The following CPNE4 variants were observed in gnomAD, a reference collection of about 807,000 sequenced individuals.
CPNE4 encodes copine-4.
Under a neutral mutation model 67.9 loss-of-function variants are expected in CPNE4, and 25 were observed. That is an observed-to-expected ratio of 0.37 (90% CI 0.27 to 0.51). CPNE4 has a LOEUF of 0.51. Ranked by LOEUF, CPNE4 falls within the 20% of genes least tolerant of loss-of-function variation. The pLI, the probability that CPNE4 is intolerant of heterozygous loss-of-function variation, is 0.93. For missense variants in CPNE4, 464 were observed against 690.8 expected, an observed-to-expected ratio of 0.67 and a Z score of 3.68; for synonymous variants, 242 against 244.9, an observed-to-expected ratio of 0.99 and a Z score of 0.11.
intron 6 of CPNE4, among the ~76,000 whole-genome samples, chr3:131,678,238 T>A (rs1332381528): frequency 6.6e-6 from 1 of 152,016 alleles, no homozygotes. Context: ...CTTGGCTTGA[T>A]TGTTGTTGGT....
chr3:131,598,926 T>C (rs1502668), intron 7 of CPNE4, among the ~76,000 whole-genome samples: 1,820 of 150,018 alleles, frequency 0.012, 47 homozygotes, highest in African/African-American at 0.042. Flanking sequence ...AAAATGAATT[T>C]TAAATGCAGA....
At chr3:131,676,040 A>G (rs1031974714) in intron 6 of CPNE4, among the ~76,000 whole-genome samples, 1 of 117,496 alleles carries the variant, frequency 8.5e-6, no homozygotes, top group Non-Finnish European at 1.5e-5. Flanking sequence ...TATTATTATT[A>G]TTATTATTAT....
intron 6 of CPNE4, among the ~76,000 whole-genome samples, chr3:131,680,344 G>A (rs1223916979): frequency 2.7e-5 from 4 of 149,448 alleles, no homozygotes; most frequent in African/African-American, 9.9e-5. Context: ...TGTGAGATGT[G>A]TCTTTTGAAG....
intron 6 of CPNE4, among the ~76,000 whole-genome samples, chr3:131,684,454 T>C (rs2080836449): frequency 6.6e-6 from 1 of 152,214 alleles, no homozygotes; most frequent in South Asian, 2.1e-4. Context: ...CATTTATTTA[T>C]TTATTCTTTT....
chr3:131,984,589 GTGCC>G (rs1417104531), intron 1 of CPNE4, among the ~76,000 whole-genome samples: 1 of 152,170 alleles, frequency 6.6e-6, no homozygotes, highest in African/African-American at 2.4e-5. Flanking sequence ...ATAGATATCA[GTGCC>G]TGCCTATGTC....
intron 15 of CPNE4, among the ~76,000 whole-genome samples, chr3:131,539,547 T>C (rs1027957149): frequency 6.6e-6 from 1 of 152,146 alleles, no homozygotes; most frequent in Non-Finnish European, 1.5e-5. Context: ...CATGGTTCTA[T>C]CATTTCATTG....
chr3:131,975,551 T>A (rs889518331), intron 1 of CPNE4, among the ~76,000 whole-genome samples: 1 of 152,158 alleles, frequency 6.6e-6, no homozygotes, highest in Admixed American at 6.5e-5. Flanking sequence ...GTTCACCTCA[T>A]ATCCAGGGAA....
intron 2 of CPNE4, among the ~76,000 whole-genome samples, chr3:131,777,621 C>T (rs9853794): frequency 0.2 from 30,820 of 151,894 alleles, 3,825 homozygotes; most frequent in Middle Eastern, 0.27. Context: ...TTTCTTTGGG[C>T]GGTTGTCTCA....
chr3:131,552,761 G>A (rs1327926738), intron 12 of CPNE4, among the ~76,000 whole-genome samples: 5 of 152,018 alleles, frequency 3.3e-5, no homozygotes, highest in African/African-American at 1.2e-4. Context: ...AAAAATCCAA[G>A]AAAAGATTTC....
At chr3:131,665,227 G>T (rs10222511) in intron 7 of CPNE4, among the ~76,000 whole-genome samples, 3,348 of 151,870 alleles carry the variant, frequency 0.022, 61 homozygotes, top group Non-Finnish European at 0.034. Flanking sequence ...AGAATTAATG[G>T]GGAAACACTA....
intron 2 of CPNE4, among the ~76,000 whole-genome samples, chr3:131,782,999 C>A (rs2083465989): frequency 6.6e-6 from 1 of 152,020 alleles, no homozygotes; most frequent in Non-Finnish European, 1.5e-5. Flanking sequence ...GTTTAAGAAT[C>A]CTGGCTGGGA....
At chr3:131,726,784 T>C (rs2082011919) in intron 2 of CPNE4, among the ~76,000 whole-genome samples, 1 of 151,990 alleles carries the variant, frequency 6.6e-6, no homozygotes, top group Non-Finnish European at 1.5e-5. Flanking sequence ...CATTCTGATT[T>C]AGTGAGTATA....
intron 14 of CPNE4, among the ~76,000 whole-genome samples, chr3:131,544,555 T>G (rs1197214015): frequency 6.6e-6 from 1 of 152,218 alleles, no homozygotes; most frequent in Admixed American, 6.5e-5. Flanking sequence ...GTATGTTTCC[T>G]TCTATGTCTG....
At chr3:131,629,476 C>T (rs1438291772) in intron 7 of CPNE4, among the ~76,000 whole-genome samples, 1 of 151,982 alleles carries the variant, frequency 6.6e-6, no homozygotes, top group Non-Finnish European at 1.5e-5. Context: ...CAGAGTCTCA[C>T]TCTGTTGCCT....
intron 1 of CPNE4, among the ~76,000 whole-genome samples, chr3:131,983,828 A>T (rs2072971570): frequency 1.3e-5 from 2 of 152,228 alleles, no homozygotes; most frequent in Non-Finnish European, 2.9e-5. Flanking sequence ...CATCGAAGAC[A>T]ACAGCTGCAC....
chr3:131,572,519 C>T (rs936953857), intron 10 of CPNE4, among the ~76,000 whole-genome samples: 6 of 151,982 alleles, frequency 3.9e-5, no homozygotes, highest in Non-Finnish European at 7.4e-5. Context: ...TTGGTCAAAT[C>T]CAACCAAAAG....
chr3:131,617,525 C>A (rs904081336), intron 7 of CPNE4, among the ~76,000 whole-genome samples: 5 of 152,094 alleles, frequency 3.3e-5, no homozygotes, highest in Non-Finnish European at 5.9e-5. Flanking sequence ...AATACAGACG[C>A]CTTTTCAATA....
intron 8 of CPNE4, among the ~76,000 whole-genome samples, chr3:131,586,445 G>C (rs561001144): frequency 1.9e-4 from 29 of 152,300 alleles, no homozygotes; most frequent in African/African-American, 5.3e-4. Context: ...GGAGAACTCT[G>C]GGAAACTGTA....
At chr3:131,875,613 T>C (rs1433449012) in intron 2 of CPNE4, among the ~76,000 whole-genome samples, 2 of 147,176 alleles carry the variant, frequency 1.4e-5, no homozygotes. Context: ...TTCTCACTCA[T>C]AGGTGGGAAT....
Sources: gnomAD v4.1 joint callset for allele counts (sites outside exome capture counted in the v4.1 genomes callset) on GRCh38, gnomAD v4.1.1 for gene constraint, MANE v1.5 for transcripts, NCBI Gene and HGNC (gene_info 2026-07-23, HGNC 2026-07-21) for gene names.